The following PDE9A variants were observed in gnomAD, a reference collection of about 807,000 sequenced individuals.
PDE9A encodes phosphodiesterase 9A, also known as high affinity cGMP-specific 3',5'-cyclic phosphodiesterase 9A.
In PDE9A, 60 loss-of-function variants were observed where a neutral mutation model predicts 87.4. That is an observed-to-expected ratio of 0.69 (90% CI 0.56 to 0.85). The LOEUF is 0.85. Ranked by LOEUF, PDE9A falls within the 40% of genes least tolerant of loss-of-function variation. PDE9A has a pLI of 0.00. For missense variants in PDE9A, 665 were observed against 779.0 expected (o/e 0.85, Z 1.74); for synonymous variants, 272 against 279.4 (o/e 0.97, Z 0.27).
intron 19 of PDE9A, among the ~76,000 whole-genome samples, chr21:42,773,758 G>A (rs554077348): frequency 3.9e-4 from 56 of 142,524 alleles, no homozygotes; most frequent in Middle Eastern, 3.8e-3. Context: ...CCAAGATCGC[G>A]CCACTGCACT....
chr21:42,659,793 C>T lies in PDE9A; in HGVS notation c.69+5910C>T, dbSNP rs1002862434. 2.0e-5 allele frequency among the ~76,000 whole-genome samples: 3 copies of T among 152,216 alleles called. No homozygotes were observed. The highest frequency in any genetic ancestry group is 4.8e-5 in the African/African-American group (2 of 41,454). The stretch of plus-strand genomic sequence containing the variant: ...ACCTTCGTCTTCCAGCCAGCCTCTC[C>T]GGAGCTCAGTGTGGGTGGAGGGGCT... On this transcript the variant is annotated intron_variant, in intron 1 of 19. Transcript: ENST00000291539. The surrounding 1 kb of genome is among the most constrained non-coding windows in gnomAD (Gnocchi z 4.1).
At chr21:42,753,875 A>AAAG (rs1555945512) in intron 9 of PDE9A, 115 bp from the exon 10 acceptor site, 7 of 595,040 alleles carry the variant, frequency 1.2e-5, no homozygotes, top group African/African-American at 2.0e-5. Flanking sequence ...AAAAAAAAAA[A>AAAG]AAAGAAAGAA....
Position 42,702,898 on chromosome 21 carries a change from G to A in PDE9A, c.262+3887G>A, listed in dbSNP as rs914962807. ...TGGGCAGCTATTAGAAGGCTTTCAG[G>A]AGAGGAGTGACATCATCACATTTGT... On this transcript the variant is annotated intron_variant, in intron 4 of 19. Transcript: ENST00000291539. This position sits in a 1 kb window ranked among gnomAD's most constrained non-coding sequence, Gnocchi z 4.9. Among the ~76,000 whole-genome samples the A allele has an allele frequency of 6.6e-6, 1 of 152,250 alleles. No individual in the cohort carries two copies. The highest frequency in any genetic ancestry group is 6.5e-5 in the Admixed American group (1 of 15,286).
intron 3 of PDE9A, among the ~76,000 whole-genome samples, chr21:42,693,159 A>G (rs1156622354): frequency 6.6e-6 from 1 of 152,226 alleles, no homozygotes; most frequent in Non-Finnish European, 1.5e-5. Flanking sequence ...AATGCCTGAG[A>G]GCGAGACGCA....
chr21:42,769,660 A>AC (rs1569280334), intron 17 of PDE9A, among the ~76,000 whole-genome samples: 15 of 145,212 alleles, frequency 1.0e-4, no homozygotes, highest in African/African-American at 2.4e-4. Flanking sequence ...ACAGGCACAC[A>AC]TAGGCACACA....
In PDE9A at chr21:42,678,614, T is replaced by C. The variant is rs537895528; in HGVS notation, c.70-7578T>C. Among the ~76,000 whole-genome samples, 7 of 152,212 alleles carry C rather than the reference T, an allele frequency of 4.6e-5. No homozygotes were observed. The South Asian group carries it at 1.5e-3, about 32-fold the overall frequency. ...CATTGGAATCAGCCTTTCTTTAAACTAAAAAAAAGTTTTCACATATGTGAA... is the reference window on the plus strand; with the variant it reads ...CATTGGAATCAGCCTTTCTTTAAACCAAAAAAAAGTTTTCACATATGTGAA... On this transcript the variant is annotated intron_variant, in intron 1 of 19. Transcript: ENST00000291539.
chr21:42,760,570 G>T lies in PDE9A; in HGVS notation c.1002+138G>T, dbSNP rs1020355893. Reference sequence around the variant, plus strand: ...CAGCCGCTCCGCCCCTCCTAGGGACGCACCCCTGCCCACCGTTGTCAGTCA... The same window carrying T: ...CAGCCGCTCCGCCCCTCCTAGGGACTCACCCCTGCCCACCGTTGTCAGTCA... On this transcript the variant is annotated intron_variant, in intron 12 of 19. Transcript: ENST00000291539. The surrounding 1 kb of genome is among the most constrained non-coding windows in gnomAD (Gnocchi z 5.2). 1.6e-6 allele frequency: 1 copy of T among 642,694 alleles called. No individual in the cohort carries two copies. Among genetic ancestry groups the T allele is most frequent in the African/African-American group, 1.8e-5 (1 of 55,014 alleles). 39.8% of individuals were successfully genotyped at this position (642,694 alleles called of 1,614,324 possible).
At chr21:42,734,579 T>C (rs888426003) in intron 7 of PDE9A, 1 of 152,288 alleles carries the variant, frequency 6.6e-6, no homozygotes. Flanking sequence ...GCTTTTCTTT[T>C]TCTTTTTTTG....
intron 4 of PDE9A, among the ~76,000 whole-genome samples, chr21:42,726,611 TATA>T (rs1432190413): frequency 2.9e-4 from 8 of 27,298 alleles, no homozygotes; most frequent in African/African-American, 7.8e-4. Context: ...TATATATATA[TATA>T]TATATATATA....
At chr21:42,700,846 AC>A (rs1219989860) in intron 4 of PDE9A, 1 of 152,224 alleles carries the variant, frequency 6.6e-6, no homozygotes, top group African/African-American at 2.4e-5. Flanking sequence ...TCTTAAAACA[AC>A]AGCACACCAT....
chr21:42,686,012 C>G (rs1021273450), intron 1 of PDE9A, among the ~76,000 whole-genome samples, 180 bp from the exon 2 acceptor site: 1 of 152,196 alleles, frequency 6.6e-6, no homozygotes, highest in African/African-American at 2.4e-5. Context: ...ACATTTTTCA[C>G]CACCCGTATG....
At chr21:42,768,517 T>C (rs1758618614) in intron 16 of PDE9A, 8 of 1,295,774 alleles carry the variant, frequency 6.2e-6, no homozygotes, top group Non-Finnish European at 7.9e-6. Flanking sequence ...ACTCTAAAAC[T>C]GTCACCTGTC....
chr21:42,743,089 A>G (rs1334662328), intron 7 of PDE9A, among the ~76,000 whole-genome samples: 3 of 152,228 alleles, frequency 2.0e-5, no homozygotes, highest in Non-Finnish European at 4.4e-5. Flanking sequence ...CAGCCAAGGA[A>G]TGAACACAGA....
Position 42,675,605 on chromosome 21 carries a change from G to A in PDE9A, c.70-10587G>A, listed in dbSNP as rs1036627518. Among the ~76,000 whole-genome samples, 2 of 152,204 alleles carry A rather than the reference G, an allele frequency of 1.3e-5. No homozygotes were observed. The highest frequency in any genetic ancestry group is 6.5e-5 in the Admixed American group (1 of 15,284). Reference sequence around the variant, plus strand: ...GCTGTGTGGATACACGGGCCCGAACGGCGCCAGCCTCACTGCCTCTGCGTT... The same window carrying A: ...GCTGTGTGGATACACGGGCCCGAACAGCGCCAGCCTCACTGCCTCTGCGTT... On this transcript the variant is annotated intron_variant, in intron 1 of 19. Coordinates refer to ENST00000291539, the MANE Select transcript of PDE9A (RefSeq NM_002606.3). The surrounding 1 kb of genome is among the most constrained non-coding windows in gnomAD (Gnocchi z 4.3).
rs2048779588 is a variant in PDE9A at position 42,705,780 on chromosome 21, G to C, written c.262+6769G>C. ...AACTAGGACAGTGCTGTAGGGGTCTGGTTCTGCTTGTTCTCCCCCACATTC... is the reference window on the plus strand; with the variant it reads ...AACTAGGACAGTGCTGTAGGGGTCTCGTTCTGCTTGTTCTCCCCCACATTC... On this transcript the variant is annotated intron_variant, in intron 4 of 19. Transcript: ENST00000291539. This position sits in a 1 kb window ranked among gnomAD's most constrained non-coding sequence, Gnocchi z 4.3. Among the ~76,000 whole-genome samples the C allele has an allele frequency of 1.3e-5, 2 of 152,068 alleles. No individual in the cohort carries two copies. Among genetic ancestry groups the C allele is most frequent in the African/African-American group, 4.8e-5 (2 of 41,410 alleles).
intron 6 of PDE9A, among the ~76,000 whole-genome samples, chr21:42,733,141 C>T (rs570825409): frequency 1.3e-5 from 2 of 152,200 alleles, no homozygotes; most frequent in African/African-American, 4.8e-5. Flanking sequence ...CCAGAAAATA[C>T]ACCTCATGAT....
In PDE9A at chr21:42,653,890, C is replaced by T; in HGVS notation, c.69+7C>T. 1 of 1,515,266 alleles carries T rather than the reference C, an allele frequency of 6.6e-7. No homozygotes were observed. The allele number at this position is 1,515,266 out of a possible 1,614,324, so 93.9% of individuals were successfully genotyped here. A position where few individuals can be genotyped will look rare whatever the true frequency, so the allele number is the denominator to read the frequency against. On this transcript the variant is annotated splice_region_variant and intron_variant, in intron 1 of 19. Coordinates refer to ENST00000291539, the MANE Select transcript of PDE9A (RefSeq NM_002606.3). ...CGATGGACGCATTCAGAAGGTAGCC[C>T]CTCCCCCACCCAGACACCCCCTCCT... is the stretch of plus-strand genomic sequence containing the variant.
intron 1 of PDE9A, among the ~76,000 whole-genome samples, chr21:42,684,647 G>T (rs1028422123): frequency 3.3e-5 from 5 of 152,244 alleles, no homozygotes; most frequent in African/African-American, 9.6e-5. Flanking sequence ...CTGCAAAGGA[G>T]GATGTGGGGG....
intron 9 of PDE9A, among the ~76,000 whole-genome samples, chr21:42,753,102 G>A (rs2054609074): frequency 6.6e-6 from 1 of 152,252 alleles, no homozygotes; most frequent in Non-Finnish European, 1.5e-5. Flanking sequence ...CCCCTCCTGG[G>A]TTCAAGCAAT....
Sources: allele counts gnomAD v4.1 joint callset (sites outside exome capture counted in the v4.1 genomes callset), GRCh38; gene constraint gnomAD v4.1.1; non-coding constraint Gnocchi (gnomAD v3.1); transcripts MANE v1.5; gene names NCBI Gene and HGNC (gene_info 2026-07-23, HGNC 2026-07-21).